KCND2: variants seen among roughly 807,000 people sequenced by gnomAD.
KCND2 encodes the protein A-type voltage-gated potassium channel KCND2.
KCND2 carries 16 observed loss-of-function variants against 54.4 expected under a neutral mutation model. The observed-to-expected ratio is 0.29, with a 90% CI of 0.20 to 0.45. The LOEUF is 0.45. KCND2 is among the 20% of genes least tolerant of loss of function. The probability of loss-of-function intolerance (pLI) is 1.00; values close to 1 mark genes in which losing one functional copy is unlikely to be tolerated. For synonymous variants in KCND2, 317 were observed against 310.7 expected (o/e 1.02, Z -0.21); for missense variants, 486 against 824.2 (o/e 0.59, Z 5.02).
At chr7:120,639,339 A>G (rs1173165478) in intron 1 of KCND2, among the ~76,000 whole-genome samples, 1 of 152,182 alleles carries the variant, frequency 6.6e-6, no homozygotes, top group Non-Finnish European at 1.5e-5. Context: ...ATACATTTTT[A>G]TGTAACAAAG....
chr7:120,406,295 T>C lies in KCND2; in HGVS notation c.1115+130548T>C, dbSNP rs1180038745. Among the ~76,000 whole-genome samples, 4 of 152,014 alleles carry C rather than the reference T, an allele frequency of 2.6e-5. No individual in the cohort carries two copies. In the East Asian group the frequency reaches 7.7e-4, roughly 29 times the overall value. On this transcript the variant is annotated intron_variant, in intron 1 of 5. Coordinates refer to ENST00000331113, the MANE Select transcript of KCND2 (RefSeq NM_012281.3). Reference sequence around the variant, plus strand: ...CACTTTTCTTCTAGTAATCTCAAAATCAACCTGGTTTGTACAACATAAAAG... The same window carrying C: ...CACTTTTCTTCTAGTAATCTCAAAACCAACCTGGTTTGTACAACATAAAAG...
chr7:120,693,109 G>A (rs1792291716), intron 1 of KCND2, among the ~76,000 whole-genome samples: 2 of 152,132 alleles, frequency 1.3e-5, no homozygotes, highest in Admixed American at 6.5e-5. Flanking sequence ...CTGATTCTAG[G>A]AATTTCAAAG....
At chr7:120,356,988 T>C (rs1800515789) in intron 1 of KCND2, among the ~76,000 whole-genome samples, 1 of 152,162 alleles carries the variant, frequency 6.6e-6, no homozygotes, top group Non-Finnish European at 1.5e-5. Context: ...TGCTTTTCAG[T>C]ACTGCTTTGC....
At chr7:120,346,114 T>C (rs1800312380) in intron 1 of KCND2, among the ~76,000 whole-genome samples, 2 of 152,218 alleles carry the variant, frequency 1.3e-5, no homozygotes, top group South Asian at 4.1e-4. Context: ...CATCTTTTCA[T>C]ATGCTTCTTG....
intron 1 of KCND2, among the ~76,000 whole-genome samples, chr7:120,310,075 G>A (rs535595580): frequency 3.9e-5 from 6 of 152,236 alleles, no homozygotes; most frequent in Non-Finnish European, 7.4e-5. Context: ...CATGCTTGCA[G>A]AACACCTCAG....
chr7:120,546,939 G>A (rs929629691), intron 1 of KCND2, among the ~76,000 whole-genome samples: 5 of 151,034 alleles, frequency 3.3e-5, no homozygotes, highest in Non-Finnish European at 7.4e-5. Flanking sequence ...TTGGATTCTC[G>A]GTGAATATAA....
chr7:120,687,155 A>G (rs917870525), intron 1 of KCND2, among the ~76,000 whole-genome samples: 1 of 152,122 alleles, frequency 6.6e-6, no homozygotes, highest in Non-Finnish European at 1.5e-5. Flanking sequence ...CAGACACGGA[A>G]GGACAAATAC....
At chr7:120,613,539 A>T (rs1043292438) in intron 1 of KCND2, among the ~76,000 whole-genome samples, 1 of 152,162 alleles carries the variant, frequency 6.6e-6, no homozygotes, top group Admixed American at 6.5e-5. Flanking sequence ...TTGGGGGGGA[A>T]GAAAGGAAAA....
rs1799133398 is a variant in KCND2, at chr7:120,274,175, A to G, written c.-458A>G. On this transcript the variant is annotated 5_prime_UTR_variant, in exon 1 of 6. Transcript: ENST00000331113. Reference sequence around the variant, plus strand: ...GAAGGTTTGAAAGAGTGAGAAGGGTAGGTGTAAGGGTTCCCTAATTCGTCG... The same window carrying G: ...GAAGGTTTGAAAGAGTGAGAAGGGTGGGTGTAAGGGTTCCCTAATTCGTCG... 1.8e-5 allele frequency: 3 copies of G among 170,404 alleles called. No homozygotes were observed. The highest frequency in any genetic ancestry group is 2.8e-4 in the South Asian group (2 of 7,030). 10.6% of individuals were successfully genotyped at this position (170,404 alleles called of 1,614,324 possible). A position where few individuals can be genotyped will look rare whatever the true frequency, so the allele number is the denominator to read the frequency against.
intron 1 of KCND2, among the ~76,000 whole-genome samples, chr7:120,639,188 G>C (rs1793341843): frequency 6.6e-6 from 1 of 152,016 alleles, no homozygotes; most frequent in Non-Finnish European, 1.5e-5. Flanking sequence ...CTCCTTTTTG[G>C]CAGTAGAAGA....
Position 120,418,689 on chromosome 7 carries a change from C to T in KCND2, c.1115+142942C>T, listed in dbSNP as rs145478559. On this transcript the variant is annotated intron_variant, in intron 1 of 5. Transcript: ENST00000331113. ...GCTTGAGAATCACTGGCATGTCTGA[C>T]TCCAATTCACCAATCTATCAATTAA... is the stretch of plus-strand genomic sequence containing the variant. Among the ~76,000 whole-genome samples, 485 of 152,228 alleles carry T rather than the reference C, an allele frequency of 3.2e-3. 2 individuals carry two copies. Among genetic ancestry groups the T allele is most frequent in the Non-Finnish European group, 4.7e-3 (317 of 68,016 alleles).
chr7:120,686,663 G>A (rs1292260328), intron 1 of KCND2, among the ~76,000 whole-genome samples: 1 of 152,162 alleles, frequency 6.6e-6, no homozygotes, highest in Non-Finnish European at 1.5e-5. Context: ...GGTCTCAGAT[G>A]CAAGCATTCC....
chr7:120,551,925 AAACC>A (rs1373724506), intron 1 of KCND2, among the ~76,000 whole-genome samples: 1 of 152,184 alleles, frequency 6.6e-6, no homozygotes, highest in Non-Finnish European at 1.5e-5. Context: ...GTCATCAGAA[AAACC>A]AGGAGACAGA....
At chr7:120,437,142 G>A (rs1801878780) in intron 1 of KCND2, among the ~76,000 whole-genome samples, 1 of 150,958 alleles carries the variant, frequency 6.6e-6, no homozygotes, top group Non-Finnish European at 1.5e-5. Context: ...AAATCTAATA[G>A]GTAATTTTAT....
At chr7:120,531,460 T>C (rs1791841727) in intron 1 of KCND2, among the ~76,000 whole-genome samples, 1 of 152,034 alleles carries the variant, frequency 6.6e-6, no homozygotes, top group Non-Finnish European at 1.5e-5. Flanking sequence ...ATTCCACCTT[T>C]CTCCTGTTCT....
At chr7:120,363,852 T>C (rs1800629273) in intron 1 of KCND2, among the ~76,000 whole-genome samples, 3 of 152,136 alleles carry the variant, frequency 2.0e-5, no homozygotes, top group African/African-American at 4.8e-5. Context: ...TCCAGCTGTT[T>C]CTGTTGCTCA....
At chr7:120,666,396 A>C (rs1476286351) in intron 1 of KCND2, among the ~76,000 whole-genome samples, 1 of 151,974 alleles carries the variant, frequency 6.6e-6, no homozygotes, top group Non-Finnish European at 1.5e-5. Flanking sequence ...CTTTCTAAAG[A>C]TAATAAGGTA....
intron 1 of KCND2, among the ~76,000 whole-genome samples, chr7:120,601,879 G>T (rs962672717): frequency 1.3e-5 from 2 of 152,106 alleles, no homozygotes; most frequent in Non-Finnish European, 2.9e-5. Context: ...TAATTTATAG[G>T]TTCACCTGCT....
chr7:120,292,139 A>G (rs913328118), intron 1 of KCND2, among the ~76,000 whole-genome samples: 2 of 151,920 alleles, frequency 1.3e-5, no homozygotes, highest in East Asian at 3.9e-4. Flanking sequence ...TACCATTGGT[A>G]TTACATATTT....
Sources: gnomAD v4.1 joint callset for allele counts (sites outside exome capture counted in the v4.1 genomes callset) on GRCh38, gnomAD v4.1.1 for gene constraint, MANE v1.5 for transcripts, NCBI Gene and HGNC (gene_info 2026-07-23, HGNC 2026-07-21) for gene names.